BBS9: variants seen among roughly 807,000 people sequenced by gnomAD.
The protein encoded by BBS9 is Bardet-Biedl syndrome 9.
Under a neutral mutation model 117.7 loss-of-function variants are expected in BBS9, and 89 were observed. The observed-to-expected ratio is 0.76, with a 90% CI of 0.64 to 0.90. The LOEUF is 0.90. Among genes scored for constraint, BBS9 ranks in the 40% least tolerant of loss-of-function variants. BBS9 has a pLI of 0.00. For missense variants in BBS9, 982 were observed against 1,042.2 expected (o/e 0.94, Z 0.80); for synonymous variants, 379 against 370.9 (o/e 1.02, Z -0.25).
chr7:33,587,911 G>A (rs1861205550), intron 21 of BBS9, among the ~76,000 whole-genome samples: 1 of 152,022 alleles, frequency 6.6e-6, no homozygotes. Context: ...ATTTGAAGTA[G>A]CCTGGGAAAA....
chr7:33,602,123 ATG>A (rs1391166578), intron 21 of BBS9, among the ~76,000 whole-genome samples: 3 of 152,172 alleles, frequency 2.0e-5, no homozygotes, highest in Non-Finnish European at 2.9e-5. Context: ...CCAAGGGAAT[ATG>A]TGAGGCCATG....
chr7:33,325,793 T>C (rs900515910), intron 9 of BBS9, among the ~76,000 whole-genome samples: 2 of 152,176 alleles, frequency 1.3e-5, no homozygotes, highest in Admixed American at 1.3e-4. Context: ...TCTGGATTAC[T>C]AGGGAGAGAC....
chr7:33,463,574 T>C (rs577751392), intron 19 of BBS9, among the ~76,000 whole-genome samples: 1 of 152,258 alleles, frequency 6.6e-6, no homozygotes, highest in East Asian at 1.9e-4. Flanking sequence ...ACACTTCTCT[T>C]AGTCTCTTAT....
chr7:33,605,427 ACTTGT>A lies in BBS9; in HGVS notation c.*207_*211del. On this transcript the variant is annotated 3_prime_UTR_variant, in exon 23 of 23. Coordinates refer to ENST00000242067, the MANE Select transcript of BBS9 (RefSeq NM_198428.3). The stretch of plus-strand genomic sequence containing the variant: ...TAACACCATGGGGAAGTCAGCTGAA[ACTTGT>A]CTTGTTTTGCCAGGAAAGGAAGTAG... 1 of 627,020 alleles carries A rather than the reference ACTTGT, an allele frequency of 1.6e-6. No homozygotes were observed. The allele number at this position is 627,020 out of a possible 1,614,324, so 38.8% of individuals were successfully genotyped here.
At chr7:33,587,252 A>G (rs535136885) in intron 21 of BBS9, among the ~76,000 whole-genome samples, 1 of 152,052 alleles carries the variant, frequency 6.6e-6, no homozygotes, top group South Asian at 2.1e-4. Flanking sequence ...ACTTACCCTC[A>G]TTCCCTCTGG....
chr7:33,507,631 T>C (rs1448460859), intron 20 of BBS9, among the ~76,000 whole-genome samples: 1 of 152,206 alleles, frequency 6.6e-6, no homozygotes, highest in African/African-American at 2.4e-5. Context: ...ATATCCTCAG[T>C]ACCTGGCACA....
intron 5 of BBS9, among the ~76,000 whole-genome samples, chr7:33,180,702 G>C (rs969631621): frequency 6.6e-6 from 1 of 152,168 alleles, no homozygotes; most frequent in Non-Finnish European, 1.5e-5. Context: ...CCGAGGACAA[G>C]CATTTGTTTG....
At chr7:33,404,571 G>C (rs190281905) in intron 19 of BBS9, among the ~76,000 whole-genome samples, 10,605 of 151,878 alleles carry the variant, frequency 0.07, 413 homozygotes, top group African/African-American at 0.088. Flanking sequence ...TCCCTTGTAA[G>C]TTGGATTCCT....
chr7:33,385,796 G>GA, intron 18 of BBS9, among the ~76,000 whole-genome samples: 1 of 151,714 alleles, frequency 6.6e-6, no homozygotes, highest in East Asian at 1.9e-4. Flanking sequence ...TATACAATTA[G>GA]AAGAATGAAT....
intron 9 of BBS9, among the ~76,000 whole-genome samples, chr7:33,279,329 G>C (rs1341496904): frequency 6.6e-6 from 1 of 152,100 alleles, no homozygotes; most frequent in Non-Finnish European, 1.5e-5. Flanking sequence ...TCCCACCTTG[G>C]CCTCCCCAAG....
At chr7:33,240,972 G>A (rs944145397) in intron 5 of BBS9, among the ~76,000 whole-genome samples, 2 of 152,086 alleles carry the variant, frequency 1.3e-5, no homozygotes, top group Non-Finnish European at 2.9e-5. Context: ...TAAACATTAA[G>A]TAGATAATGA....
chr7:33,406,771 C>A (rs1346300097), intron 19 of BBS9, among the ~76,000 whole-genome samples: 1 of 152,192 alleles, frequency 6.6e-6, no homozygotes, highest in Admixed American at 6.5e-5. Flanking sequence ...CCCCCACTCT[C>A]TTCTGGCTTG....
At chr7:33,218,579 C>T (rs1207006448) in intron 5 of BBS9, among the ~76,000 whole-genome samples, 1 of 152,220 alleles carries the variant, frequency 6.6e-6, no homozygotes, top group East Asian at 1.9e-4. Flanking sequence ...GAAGTAGTTA[C>T]AGAAGCCTTT....
intron 21 of BBS9, among the ~76,000 whole-genome samples, chr7:33,632,161 C>T (rs911540179): frequency 2.0e-5 from 3 of 152,088 alleles, no homozygotes; most frequent in African/African-American, 7.2e-5. Context: ...TAGTGTTTCC[C>T]TTCTGTCCTT....
intron 19 of BBS9, among the ~76,000 whole-genome samples, chr7:33,449,873 A>G (rs1173698081): frequency 6.6e-6 from 1 of 152,202 alleles, no homozygotes; most frequent in Non-Finnish European, 1.5e-5. Flanking sequence ...GATATTAAAA[A>G]AGACACACAC....
At chr7:33,164,347 C>T (rs150143795) in intron 4 of BBS9, among the ~76,000 whole-genome samples, 21 of 152,242 alleles carry the variant, frequency 1.4e-4, no homozygotes, top group East Asian at 1.4e-3. Context: ...CTATTAGGTA[C>T]GCTTGGTGCA....
At chr7:33,440,778 A>C (rs1421657027) in intron 19 of BBS9, among the ~76,000 whole-genome samples, 1 of 152,234 alleles carries the variant, frequency 6.6e-6, no homozygotes. Flanking sequence ...AGGTAGCCCA[A>C]GCTCATATGA....
At chr7:33,323,182 T>G (rs931257455) in intron 9 of BBS9, among the ~76,000 whole-genome samples, 1 of 152,206 alleles carries the variant, frequency 6.6e-6, no homozygotes, top group Non-Finnish European at 1.5e-5. Flanking sequence ...GAATGATCCA[T>G]GTGCTGAAGA....
In BBS9 at chr7:33,617,048, T is replaced by G. The variant is rs930177063; in HGVS notation, c.2522-18129T>G. On this transcript the variant is annotated intron_variant, in intron 21 of 21. Transcript: ENST00000671952. ...CAAAAAAGACATGACTTCATTCTTT[T>G]TTTTTAAATAAACGGGTAGTATTCC... Among the ~76,000 whole-genome samples the G allele has an allele frequency of 4.6e-5, 7 of 152,228 alleles. 1 individual carries two copies. In the Middle Eastern group the frequency reaches 0.01, roughly 222 times the overall value.
Sources: allele counts gnomAD v4.1 joint callset (sites outside exome capture counted in the v4.1 genomes callset), GRCh38; gene constraint gnomAD v4.1.1; transcripts MANE v1.5; gene names NCBI Gene and HGNC (gene_info 2026-07-23, HGNC 2026-07-21).